Variants in RSF1 observed in about 807,000 individuals in gnomAD.
RSF1 encodes the protein HBV pX-associated protein 8.
A neutral mutation model predicts 145.2 loss-of-function variants in RSF1; 13 were observed. The ratio of observed to expected loss-of-function variants is 0.09; its 90% CI spans 0.06 to 0.14. The LOEUF is 0.14. Ranked by LOEUF, RSF1 falls within the 10% of genes least tolerant of loss-of-function variation. RSF1 has a pLI of 1.00. For synonymous variants in RSF1, 577 were observed against 592.6 expected (o/e 0.97, Z 0.38); for missense variants, 1,517 against 1,718.2 (o/e 0.88, Z 2.07).
At chr11:77,776,064 C>T (rs1948338637) in intron 1 of RSF1, among the ~76,000 whole-genome samples, 2 of 152,056 alleles carry the variant, frequency 1.3e-5, no homozygotes, top group African/African-American at 2.4e-5. Context: ...TCAAAAAAGA[C>T]GCTGGGCATG....
At chr11:77,763,272 G>T (rs1948193711) in intron 2 of RSF1, 1 of 151,554 alleles carries the variant, frequency 6.6e-6, no homozygotes. Flanking sequence ...AACCCAGGAG[G>T]TGGACGTTGC....
intron 1 of RSF1, among the ~76,000 whole-genome samples, chr11:77,785,442 T>C (rs547562437): frequency 2.0e-5 from 3 of 151,958 alleles, no homozygotes; most frequent in Non-Finnish European, 4.4e-5. Flanking sequence ...ATACAAAAAT[T>C]AGCCAGCCGT....
intron 5 of RSF1, among the ~76,000 whole-genome samples, chr11:77,720,638 T>C (rs1283745591): frequency 1.3e-5 from 2 of 152,104 alleles, no homozygotes; most frequent in South Asian, 2.1e-4. Flanking sequence ...GGGATACAAA[T>C]AGTATAAATA....
At chr11:77,844,343 T>C in the RSF1 span, among the ~76,000 whole-genome samples, 1 of 152,132 alleles carries the variant, frequency 6.6e-6, no homozygotes, top group African/African-American at 2.4e-5. Context: ...GCAGCAAATT[T>C]TTTTTTACAG....
intron 1 of RSF1, among the ~76,000 whole-genome samples, chr11:77,779,125 G>A (rs1948377472): frequency 6.6e-6 from 1 of 151,620 alleles, no homozygotes; most frequent in Non-Finnish European, 1.5e-5. Context: ...TGTATTTTTC[G>A]TAGAGACACG....
In RSF1 at chr11:77,768,997, T is replaced by C. The variant is rs149289136; in HGVS notation, c.188-4308A>G. 2.8e-3 allele frequency among the ~76,000 whole-genome samples: 434 copies of C among 152,304 alleles called. 3 individuals are homozygous for C. The highest frequency in any genetic ancestry group is 9.7e-3 in the African/African-American group (403 of 41,568). On this transcript the variant is annotated intron_variant, in intron 1 of 15. Coordinates refer to ENST00000308488, the MANE Select transcript of RSF1 (RefSeq NM_016578.4). ...CTTAATTTTATTTATTTTTAAATTA[T>C]CTTAAATTTTAATAAACACGTAGTA...
At chr11:77,861,688 C>T in the RSF1 span, among the ~76,000 whole-genome samples, 9 of 152,122 alleles carry the variant, frequency 5.9e-5, no homozygotes, top group Non-Finnish European at 1.2e-4. Flanking sequence ...CCTTGTAGAC[C>T]GCACTGGAAG....
At chr11:77,762,836 G>A (rs932493407) in intron 2 of RSF1, 5 of 152,154 alleles carry the variant, frequency 3.3e-5, no homozygotes, top group African/African-American at 1.2e-4. Flanking sequence ...ACAGCTTTCA[G>A]TAATACATAT....
chr11:77,825,208 T>A (rs1949113800), upstream of RSF1, among the ~76,000 whole-genome samples: 1 of 151,980 alleles, frequency 6.6e-6, no homozygotes, highest in African/African-American at 2.4e-5. Flanking sequence ...GGTCTCGATC[T>A]CCTGACCTTG....
intron 9 of RSF1, among the ~76,000 whole-genome samples, chr11:77,689,391 C>T (rs1336727160): frequency 6.6e-6 from 1 of 152,204 alleles, no homozygotes; most frequent in African/African-American, 2.4e-5. Context: ...CCTTACTCAG[C>T]TTTTACAAAA....
At chr11:77,813,467 C>G (rs1339559146) in intron 1 of RSF1, 2 of 1,112,704 alleles carry the variant, frequency 1.8e-6, no homozygotes, top group Admixed American at 3.4e-5. Context: ...GAACCTTCAC[C>G]ACAAGGACTT....
the RSF1 span, among the ~76,000 whole-genome samples, chr11:77,858,131 G>A: frequency 5.3e-5 from 8 of 151,450 alleles, no homozygotes; most frequent in East Asian, 7.8e-4. Flanking sequence ...CAATCCTGTC[G>A]CGTCAGCCTC....
intron 4 of RSF1, among the ~76,000 whole-genome samples, chr11:77,728,570 GAGGAA>G (rs1159775819): frequency 1.3e-5 from 2 of 150,324 alleles, no homozygotes; most frequent in East Asian, 2.0e-4. Context: ...GGAAAAGGAA[GAGGAA>G]AGGGAAGGGA....
intron 3 of RSF1, among the ~76,000 whole-genome samples, chr11:77,745,303 C>T (rs996248335): frequency 2.6e-5 from 4 of 151,918 alleles, no homozygotes; most frequent in South Asian, 2.1e-4. Flanking sequence ...TTATCTTCTT[C>T]CTTCTACTGA....
intron 5 of RSF1, among the ~76,000 whole-genome samples, chr11:77,710,282 AT>A (rs1002440972): frequency 1.3e-4 from 19 of 150,228 alleles, no homozygotes; most frequent in African/African-American, 3.4e-4. Flanking sequence ...TCACAATATA[AT>A]TTTTTTTTTG....
At chr11:77,815,045 T>C (rs1287136018) in intron 1 of RSF1, among the ~76,000 whole-genome samples, 1 of 152,176 alleles carries the variant, frequency 6.6e-6, no homozygotes, top group Non-Finnish European at 1.5e-5. Flanking sequence ...CTAAAGGTGG[T>C]GTGACTTCAG....
intron 1 of RSF1, among the ~76,000 whole-genome samples, chr11:77,766,042 C>T (rs1948222184): frequency 6.6e-6 from 1 of 152,052 alleles, no homozygotes; most frequent in Admixed American, 6.5e-5. Context: ...GCCACTGCAC[C>T]AGGCCTAAAA....
chr11:77,775,115 G>T (rs1396873498), intron 1 of RSF1, among the ~76,000 whole-genome samples: 1 of 151,788 alleles, frequency 6.6e-6, no homozygotes, highest in African/African-American at 2.4e-5. Context: ...GGGCATGGTC[G>T]TGGGCACCTG....
At chr11:77,769,031 T>C (rs189385604) in intron 1 of RSF1, among the ~76,000 whole-genome samples, 2 of 152,336 alleles carry the variant, frequency 1.3e-5, no homozygotes, top group East Asian at 3.9e-4. Flanking sequence ...TAAGTTGCTA[T>C]GGCTTTGGAC....
Sources: gnomAD v4.1 joint callset for allele counts (sites outside exome capture counted in the v4.1 genomes callset) on GRCh38, gnomAD v4.1.1 for gene constraint, MANE v1.5 for transcripts, NCBI Gene and HGNC (gene_info 2026-07-23, HGNC 2026-07-21) for gene names.